Variants in RAD51B observed in about 807,000 individuals in gnomAD.
RAD51B encodes RAD51 paralog B.
RAD51B carries 38 observed loss-of-function variants against 42.2 expected under a neutral mutation model. That is an observed-to-expected ratio of 0.90 (90% CI 0.70 to 1.18). The LOEUF is 1.18. Among genes scored for constraint, RAD51B ranks in the 50% most tolerant of loss-of-function variants. RAD51B has a pLI of 0.00. For synonymous variants in RAD51B, 154 were observed against 145.2 expected (o/e 1.06, Z -0.43); for missense variants, 373 against 400.7 (o/e 0.93, Z 0.59).
At position 67,949,586 on chromosome 14, in the gene RAD51B, C is replaced by G. The variant is rs1484340475; in HGVS notation, c.756+62382C>G. Among the ~76,000 whole-genome samples the G allele has an allele frequency of 3.3e-5, 5 of 152,134 alleles. No homozygotes were observed. In the East Asian group the frequency reaches 9.6e-4, roughly 29 times the overall value. On this transcript the variant is annotated intron_variant, in intron 7 of 10. Coordinates refer to ENST00000471583, the MANE Select transcript of RAD51B (RefSeq NM_133510.4). The stretch of plus-strand genomic sequence containing the variant: ...GGGTTGGAATCTTCTTCGCTCCTGT[C>G]AATGTTGGTATTTTGACCTCCTACC...
intron 7 of RAD51B, among the ~76,000 whole-genome samples, chr14:68,239,277 C>T (rs1356662775): frequency 1.3e-5 from 2 of 152,210 alleles, no homozygotes; most frequent in Non-Finnish European, 2.9e-5. Flanking sequence ...GACTCCCTTT[C>T]TCAAGGTGTC....
chr14:67,887,421 G>T, intron 7 of RAD51B: 1 of 393,964 alleles, frequency 2.5e-6, no homozygotes, highest in Admixed American at 4.1e-5. Context: ...ATTTGAGTCT[G>T]GAGTAGATTT....
At chr14:68,605,431 T>C (rs1347869199) in intron 10 of RAD51B, among the ~76,000 whole-genome samples, 1 of 152,256 alleles carries the variant, frequency 6.6e-6, no homozygotes, top group Non-Finnish European at 1.5e-5. Context: ...CTTACACAGT[T>C]TGTCCCTGCT....
intron 8 of RAD51B, among the ~76,000 whole-genome samples, chr14:68,314,742 C>G (rs74604868): frequency 6.6e-6 from 1 of 152,138 alleles, no homozygotes; most frequent in South Asian, 2.1e-4. Flanking sequence ...TCCTCTGGCC[C>G]TTATGACAGG....
chr14:68,057,698 T>A (rs1348815867), intron 7 of RAD51B, among the ~76,000 whole-genome samples: 2 of 152,246 alleles, frequency 1.3e-5, no homozygotes, highest in South Asian at 2.1e-4. Flanking sequence ...GTATTTTTTC[T>A]TTTTCTTCTT....
At chr14:68,440,352 T>C (rs2085255685) in intron 9 of RAD51B, among the ~76,000 whole-genome samples, 2 of 152,234 alleles carry the variant, frequency 1.3e-5, no homozygotes, top group Admixed American at 6.5e-5. Flanking sequence ...GGGATGAAGA[T>C]TATTGCTATC....
At chr14:68,434,217 CTGTT>C (rs1594831852) in intron 9 of RAD51B, among the ~76,000 whole-genome samples, 1 of 152,216 alleles carries the variant, frequency 6.6e-6, no homozygotes, top group Non-Finnish European at 1.5e-5. Flanking sequence ...GGCAGTCTGT[CTGTT>C]CTCAGATCTC....
At chr14:68,011,030 A>T (rs1201057399) in intron 7 of RAD51B, among the ~76,000 whole-genome samples, 2 of 151,982 alleles carry the variant, frequency 1.3e-5, no homozygotes, top group African/African-American at 2.4e-5. Context: ...TAGTGAAAAA[A>T]ATCAGATATT....
At chr14:68,363,472 G>A (rs953809656) in intron 8 of RAD51B, among the ~76,000 whole-genome samples, 1 of 152,076 alleles carries the variant, frequency 6.6e-6, no homozygotes, top group Non-Finnish European at 1.5e-5. Flanking sequence ...CTCAGTGTCC[G>A]CCAGTATGGA....
In RAD51B at chr14:67,937,750, GAA is replaced by G. The variant is rs71761948; in HGVS notation, c.756+50548_756+50549del. On this transcript the variant is annotated intron_variant, in intron 7 of 10. Transcript: ENST00000471583. ...GTCCATCTCTCCCAGTATTCCATTT[GAA>G]ATCCTTCTTCAGCCCCTTACCACAG... 8.0e-3 allele frequency among the ~76,000 whole-genome samples: 1,224 copies of G among 152,222 alleles called. 14 individuals are homozygous for G. The highest frequency in any genetic ancestry group is 0.028 in the African/African-American group (1,147 of 41,532).
rs534711714 is a variant in RAD51B at position 68,093,033 on chromosome 14, C to A, written c.757-198851C>A. ...ATTTTCGTATGTTGAACCAGCCTTG[C>A]ATCCCAGGGATGAAGCCCACTTGAT... On this transcript the variant is annotated intron_variant, in intron 7 of 10. Coordinates refer to ENST00000471583, the MANE Select transcript of RAD51B (RefSeq NM_133510.4). 2.1e-4 allele frequency among the ~76,000 whole-genome samples: 32 copies of A among 150,190 alleles called. No individual in the cohort carries two copies. The South Asian group carries it at 7.0e-3, about 33-fold the overall frequency.
chr14:68,447,751 A>T (rs943007420), intron 9 of RAD51B, among the ~76,000 whole-genome samples: 1 of 151,920 alleles, frequency 6.6e-6, no homozygotes, highest in Non-Finnish European at 1.5e-5. Context: ...TTTAAACCAC[A>T]TATTAAGCTT....
intron 7 of RAD51B, among the ~76,000 whole-genome samples, chr14:68,127,558 A>T (rs972323135): frequency 2.6e-5 from 4 of 151,470 alleles, no homozygotes; most frequent in Admixed American, 2.6e-4. Context: ...TATTCCAGTT[A>T]GCGGTACTGT....
downstream of RAD51B, among the ~76,000 whole-genome samples, chr14:68,481,593 T>C (rs1883185340): frequency 6.6e-6 from 1 of 152,204 alleles, no homozygotes. Context: ...ATACACAATC[T>C]TCTCTAATGC....
At chr14:68,496,947 C>T (rs190918090) in intron 10 of RAD51B, among the ~76,000 whole-genome samples, 6 of 152,314 alleles carry the variant, frequency 3.9e-5, no homozygotes, top group East Asian at 3.9e-4. Context: ...TCTAGAAGCA[C>T]GAAACTACAA....
intron 8 of RAD51B, among the ~76,000 whole-genome samples, chr14:68,388,520 C>T (rs2083659902): frequency 6.6e-6 from 1 of 152,148 alleles, no homozygotes; most frequent in Admixed American, 6.5e-5. Context: ...CATATATCAC[C>T]AATCAAGTAT....
At chr14:68,255,540 CA>C (rs1318574974) in intron 7 of RAD51B, among the ~76,000 whole-genome samples, 5 of 152,126 alleles carry the variant, frequency 3.3e-5, no homozygotes, top group Admixed American at 6.5e-5. Context: ...GACAATGAGG[CA>C]ATTAGACTGT....
At chr14:68,480,240 C>T (rs1883066683), downstream of RAD51B, among the ~76,000 whole-genome samples, 1 of 151,960 alleles carries the variant, frequency 6.6e-6, no homozygotes, top group African/African-American at 2.4e-5. Flanking sequence ...GCCCGGTTAA[C>T]TTTTGTACTT....
chr14:68,026,876 G>A (rs1405627008), intron 7 of RAD51B, among the ~76,000 whole-genome samples: 1 of 152,040 alleles, frequency 6.6e-6, no homozygotes, highest in Non-Finnish European at 1.5e-5. Context: ...TTTTGATCCT[G>A]TCATCATATT....
Sources: allele counts gnomAD v4.1 joint callset (sites outside exome capture counted in the v4.1 genomes callset), GRCh38; gene constraint gnomAD v4.1.1; transcripts MANE v1.5; gene names NCBI Gene and HGNC (gene_info 2026-07-23, HGNC 2026-07-21).